Variants in IGF1 observed in about 807,000 individuals in gnomAD.
IGF1 encodes the protein insulin-like growth factor 1.
Under a neutral mutation model 13.8 loss-of-function variants are expected in IGF1, and 4 were observed. That is an observed-to-expected ratio of 0.29 (90% CI 0.14 to 0.66). The LOEUF (loss-of-function observed/expected upper bound fraction) is 0.66. Ranked by LOEUF, IGF1 falls within the 30% of genes least tolerant of loss-of-function variation. The pLI, the probability that IGF1 is intolerant of heterozygous loss-of-function variation, is 0.78. For synonymous variants in IGF1, 76 were observed against 72.6 expected (o/e 1.05, Z -0.23); for missense variants, 124 against 188.5 (o/e 0.66, Z 2.00).
At chr12:102,478,361 C>T (rs1186109637) in intron 1 of IGF1, 1 of 598,140 alleles carries the variant, frequency 1.7e-6, no homozygotes, top group African/African-American at 2.3e-5. Flanking sequence ...ATTCACAAAC[C>T]CAAATTTTAA....
At chr12:102,448,054 G>T (rs1366183506) in intron 2 of IGF1, among the ~76,000 whole-genome samples, 1 of 150,548 alleles carries the variant, frequency 6.6e-6, no homozygotes, top group Non-Finnish European at 1.5e-5. Flanking sequence ...AAATCTATAA[G>T]GAACTTAAAC....
chr12:102,420,254 G>A (rs1170468977), intron 2 of IGF1, among the ~76,000 whole-genome samples: 1 of 152,188 alleles, frequency 6.6e-6, no homozygotes, highest in Non-Finnish European at 1.5e-5. Flanking sequence ...GTAAGTCGTG[G>A]AGTCAAGATG....
chr12:102,451,132 T>G (rs771545731), intron 2 of IGF1, among the ~76,000 whole-genome samples: 2 of 152,212 alleles, frequency 1.3e-5, no homozygotes, highest in Non-Finnish European at 2.9e-5. Flanking sequence ...ATTTCAAGAA[T>G]GGTTCTGCAC....
chr12:102,405,602 C>T lies in IGF1; in HGVS notation c.403-3036G>A, dbSNP rs190511120. Among the ~76,000 whole-genome samples the T allele has an allele frequency of 5.3e-5, 8 of 152,220 alleles. No homozygotes were observed. In the East Asian group the frequency reaches 1.2e-3, roughly 22 times the overall value. Reference sequence around the variant, plus strand: ...ACTACTAACCAAATTAATTAACAGGCGGAGAAACACACTAATTTGAATTTT... The same window carrying T: ...ACTACTAACCAAATTAATTAACAGGTGGAGAAACACACTAATTTGAATTTT... On this transcript the variant is annotated intron_variant, in intron 3 of 3. Coordinates refer to ENST00000337514, the MANE Select transcript of IGF1 (RefSeq NM_000618.5).
At chr12:102,404,561 T>C (rs1056171559) in intron 3 of IGF1, among the ~76,000 whole-genome samples, 2 of 152,106 alleles carry the variant, frequency 1.3e-5, no homozygotes, top group Admixed American at 1.3e-4. Flanking sequence ...TTCACTAAAA[T>C]AGCTCAGTGA....
At chr12:102,424,016 A>T (rs1875979356) in intron 2 of IGF1, among the ~76,000 whole-genome samples, 1 of 152,312 alleles carries the variant, frequency 6.6e-6, no homozygotes, top group South Asian at 2.1e-4. Context: ...GAAACTTCCC[A>T]TCTTGCTTCT....
intron 2 of IGF1, among the ~76,000 whole-genome samples, chr12:102,434,139 G>A (rs979170592): frequency 1.3e-5 from 2 of 149,984 alleles, no homozygotes; most frequent in Non-Finnish European, 3.0e-5. Context: ...CAAAAGTACA[G>A]TCATCTCTTT....
At chr12:102,477,500 T>G (rs1228595441) in intron 1 of IGF1, among the ~76,000 whole-genome samples, 1 of 150,574 alleles carries the variant, frequency 6.6e-6, no homozygotes, top group African/African-American at 2.4e-5. Context: ...CCCAAAACAC[T>G]GGGACTGGAA....
rs10161018 is a variant in IGF1, at chr12:102,480,284, T to C, written c.63+35A>G. ...CAAACAGTACACAATTTAAATAGAA[T>C]TCCCCAATGACTTCAAAGAGTAAGA... On this transcript the variant is annotated intron_variant, in intron 1 of 3. Transcript: ENST00000337514. The C allele has an allele frequency of 6.5e-5, 104 of 1,590,820 alleles. No individual in the cohort carries two copies. The African/African-American group carries it at 1.3e-3, about 20-fold the overall frequency.
upstream of IGF1, among the ~76,000 whole-genome samples, chr12:102,481,347 C>CTCTG (rs1208119570): frequency 3.2e-3 from 447 of 140,376 alleles, 2 homozygotes; most frequent in Middle Eastern, 3.7e-3. Context: ...TAACTCAAAC[C>CTCTG]TGTGTGTGTG....
At chr12:102,402,973 T>A (rs1408242907) in intron 3 of IGF1, among the ~76,000 whole-genome samples, 1 of 152,264 alleles carries the variant, frequency 6.6e-6, no homozygotes, top group Non-Finnish European at 1.5e-5. Flanking sequence ...CAGTTTGTTC[T>A]GTTTTAATTT....
chr12:102,470,941 G>T (rs1167011696), intron 2 of IGF1, among the ~76,000 whole-genome samples: 3 of 152,210 alleles, frequency 2.0e-5, no homozygotes, highest in Non-Finnish European at 4.4e-5. Context: ...GAGAGTGAGA[G>T]AATGTAAAGA....
At chr12:102,441,957 T>TCTTCTTC (rs71438463) in intron 2 of IGF1, among the ~76,000 whole-genome samples, 62 of 134,698 alleles carry the variant, frequency 4.6e-4, no homozygotes, top group African/African-American at 1.1e-3. Context: ...TTCTTCTTCT[T>TCTTCTTC]TTTTTTTTTT....
At chr12:102,478,314 AAAG>A (rs1302206478) in intron 1 of IGF1, among the ~76,000 whole-genome samples, 15 of 152,254 alleles carry the variant, frequency 9.9e-5, no homozygotes, top group African/African-American at 2.9e-4. Context: ...CATGAGAAAA[AAAG>A]AAAAAAAAAT....
Position 102,475,713 on chromosome 12 carries a change from C to T in IGF1, c.150G>A (p.Pro50=), listed in dbSNP as rs373202198. 1.3e-4 allele frequency: 215 copies of T among 1,614,086 alleles called. No homozygotes were observed. The highest frequency in any genetic ancestry group is 1.7e-4 in the Non-Finnish European group (202 of 1,180,048). Residue 50 remains proline, a synonymous_variant, in exon 2 of 4, where the codon CCG becomes CCA. Coordinates refer to ENST00000337514, the MANE Select transcript of IGF1 (RefSeq NM_000618.5). The part of the protein sequence containing the change: ...LTFTSSATAG[P]ETLCGAELVD... ...CCAGCTCAGCCCCGCAGAGCGTCTC[C>T]GGTCCAGCCGTGGCAGAGCTGGTGA...
intron 2 of IGF1, among the ~76,000 whole-genome samples, chr12:102,466,642 C>T (rs1295496545): frequency 1.3e-5 from 2 of 152,154 alleles, no homozygotes; most frequent in Admixed American, 1.3e-4. Context: ...TGGCTCATGA[C>T]TGTAAATCCA....
intron 2 of IGF1, among the ~76,000 whole-genome samples, chr12:102,473,538 A>C (rs1880816866): frequency 6.6e-6 from 1 of 152,256 alleles, no homozygotes; most frequent in Non-Finnish European, 1.5e-5. Context: ...TGTCGGATTA[A>C]CATAAGTCAT....
chr12:102,449,083 A>G (rs1878661360), intron 2 of IGF1, among the ~76,000 whole-genome samples: 1 of 152,232 alleles, frequency 6.6e-6, no homozygotes, highest in African/African-American at 2.4e-5. Flanking sequence ...ATTCTACTAT[A>G]AAGACACATG....
In IGF1 at chr12:102,448,689, TAAAAAAAAA is replaced by T. The variant is rs58794507; in HGVS notation, c.220+26945_220+26953del. Reference sequence around the variant, plus strand: ...ATGTACCCTAAAACTTAGAGTATAATAAAAAAAAAAAAAAAAAAAAAAAAAAATCTCATC... The same window carrying T: ...ATGTACCCTAAAACTTAGAGTATAATAAAAAAAAAAAAAAAAAATCTCATC... On this transcript the variant is annotated intron_variant, in intron 2 of 3. Coordinates refer to ENST00000337514, the MANE Select transcript of IGF1 (RefSeq NM_000618.5). Among the ~76,000 whole-genome samples the T allele has an allele frequency of 1.4e-4, 15 of 110,308 alleles. No individual in the cohort carries two copies. In the East Asian group the frequency reaches 1.8e-3, roughly 14 times the overall value. 72.4% of individuals were successfully genotyped at this position (110,308 alleles called of 152,430 possible).
Sources: allele counts gnomAD v4.1 joint callset (sites outside exome capture counted in the v4.1 genomes callset), GRCh38; gene constraint gnomAD v4.1.1; transcripts MANE v1.5; gene names NCBI Gene and HGNC (gene_info 2026-07-23, HGNC 2026-07-21).